CELF4: variants seen among roughly 807,000 people sequenced by gnomAD.
CELF4 encodes CUGBP Elav-like family member 4, also known as CUG-BP- and ETR-3-like factor 4.
Under a neutral mutation model 59.9 loss-of-function variants are expected in CELF4, and 18 were observed. The ratio of observed to expected loss-of-function variants is 0.30; its 90% CI spans 0.21 to 0.45. The LOEUF is 0.45. CELF4 is among the 20% of genes least tolerant of loss of function. The probability of loss-of-function intolerance (pLI) is 1.00; values close to 1 mark genes in which losing one functional copy is unlikely to be tolerated. For missense variants in CELF4, 456 were observed against 689.0 expected, an observed-to-expected ratio of 0.66 and a Z score of 3.79; for synonymous variants, 261 against 267.1, an observed-to-expected ratio of 0.98 and a Z score of 0.22.
chr18:37,266,286 G>A, intron 9 of CELF4: 1 of 591,600 alleles, frequency 1.7e-6, no homozygotes, highest in Non-Finnish European at 3.0e-6. Flanking sequence ...GCCCAGCAAG[G>A]GTGAAACTTC....
chr18:37,477,408 A>G (rs1451615994), intron 2 of CELF4, among the ~76,000 whole-genome samples: 1 of 152,232 alleles, frequency 6.6e-6, no homozygotes, highest in African/African-American at 2.4e-5. Flanking sequence ...CAGGAAGGCT[A>G]CGTGCATCTG....
chr18:37,292,655 A>C (rs1282596598), intron 3 of CELF4, among the ~76,000 whole-genome samples: 1 of 152,228 alleles, frequency 6.6e-6, no homozygotes, highest in Non-Finnish European at 1.5e-5. Flanking sequence ...ACTTTAATGC[A>C]ATCAGAATGC....
chr18:37,269,444 A>G (rs1166707923), intron 8 of CELF4, among the ~76,000 whole-genome samples: 1 of 152,166 alleles, frequency 6.6e-6, no homozygotes, highest in Non-Finnish European at 1.5e-5. Flanking sequence ...TGCACTCTAG[A>G]CAGGGAAATG....
intron 1 of CELF4, among the ~76,000 whole-genome samples, chr18:37,491,730 G>A (rs1274735450): frequency 6.6e-6 from 1 of 152,304 alleles, no homozygotes; most frequent in South Asian, 2.1e-4. Context: ...GTGCTGTCGG[G>A]CTAGGGTGCA....
chr18:37,364,234 G>A (rs1057439047), intron 2 of CELF4, among the ~76,000 whole-genome samples: 5 of 152,212 alleles, frequency 3.3e-5, no homozygotes, highest in East Asian at 1.9e-4. Flanking sequence ...TCCTGCACCC[G>A]TCTCTCCTCT....
intron 1 of CELF4, among the ~76,000 whole-genome samples, chr18:37,532,717 C>T (rs749770829): frequency 1.3e-5 from 2 of 152,130 alleles, no homozygotes; most frequent in African/African-American, 2.4e-5. Flanking sequence ...GTAACAGCCC[C>T]GTATTCAACA....
At chr18:37,556,283 T>C (rs2099984766) in intron 1 of CELF4, among the ~76,000 whole-genome samples, 1 of 152,212 alleles carries the variant, frequency 6.6e-6, no homozygotes, top group Non-Finnish European at 1.5e-5. Context: ...ACTTTGGGCA[T>C]ACGCTACTCT....
intron 2 of CELF4, among the ~76,000 whole-genome samples, chr18:37,367,824 A>C (rs1381535521): frequency 1.3e-5 from 2 of 152,080 alleles, no homozygotes; most frequent in African/African-American, 4.8e-5. Flanking sequence ...TGAAGTGGGA[A>C]AGTTCATCCA....
rs775605882 is a variant in CELF4, at chr18:37,270,832, G to A, written c.1035C>T (p.Pro345=). Residue 345 remains proline (P), a synonymous_variant, in exon 8 of 13, where the codon CCC becomes CCT. Transcript: ENST00000420428. ...PIGVNGFTGL[P]PQANGQPAAE... ...CAGCAGGTTGCCCATTGGCCTGTGGGGGGAGGCCGGTGAAGCCATTCACCC... is the reference window on the plus strand; with the variant it reads ...CAGCAGGTTGCCCATTGGCCTGTGGAGGGAGGCCGGTGAAGCCATTCACCC... 5 of 1,613,820 alleles carry A rather than the reference G, an allele frequency of 3.1e-6. No homozygotes were observed. Among genetic ancestry groups the A allele is most frequent in the East Asian group, 2.2e-5 (1 of 44,888 alleles).
intron 2 of CELF4, among the ~76,000 whole-genome samples, chr18:37,382,332 C>T (rs867479228): frequency 6.6e-6 from 1 of 152,218 alleles, no homozygotes; most frequent in African/African-American, 2.4e-5. Flanking sequence ...TCCTTCTCTG[C>T]CTCTCTTAGC....
At position 37,274,543 on chromosome 18, in the gene CELF4, C is replaced by G. The variant is rs757604111; in HGVS notation, c.658-89G>C. 7 of 1,596,744 alleles carry G rather than the reference C, an allele frequency of 4.4e-6. No individual in the cohort carries two copies. The African/African-American group carries it at 8.1e-5, about 18-fold the overall frequency. ...CTCTGGCCTGCGCCCACCCCGCCCG[C>G]TCCTCGGGGCGCTTTGGAGGAGGCG... On this transcript the variant is annotated intron_variant, in intron 5 of 12. Transcript: ENST00000420428.
intron 2 of CELF4, among the ~76,000 whole-genome samples, chr18:37,375,842 C>T (rs926719343): frequency 6.6e-6 from 1 of 152,120 alleles, no homozygotes; most frequent in Admixed American, 6.5e-5. Context: ...ACTGCCCTCT[C>T]CGTCCTCCCC....
intron 1 of CELF4, among the ~76,000 whole-genome samples, chr18:37,513,344 G>A (rs2099946720): frequency 6.6e-6 from 1 of 152,182 alleles, no homozygotes; most frequent in Admixed American, 6.5e-5. Context: ...CATCTGGGAG[G>A]TGGGATGGAC....
chr18:37,428,042 G>T (rs2099625054), intron 2 of CELF4, among the ~76,000 whole-genome samples: 1 of 152,234 alleles, frequency 6.6e-6, no homozygotes, highest in African/African-American at 2.4e-5. Context: ...TCACCTACCT[G>T]CAAGTATGTC....
chr18:37,447,638 T>C (rs547414994), intron 2 of CELF4, among the ~76,000 whole-genome samples: 1 of 152,328 alleles, frequency 6.6e-6, no homozygotes, highest in Admixed American at 6.5e-5. Flanking sequence ...CAGAGCCCTC[T>C]TTGCAGGTCA....
At chr18:37,439,404 T>TATGC (rs1318018900) in intron 2 of CELF4, among the ~76,000 whole-genome samples, 1 of 152,178 alleles carries the variant, frequency 6.6e-6, no homozygotes. Flanking sequence ...TGTGTGCATG[T>TATGC]ATGCATGCAT....
chr18:37,419,425 T>C (rs2099555334), intron 2 of CELF4, among the ~76,000 whole-genome samples: 1 of 151,964 alleles, frequency 6.6e-6, no homozygotes, highest in South Asian at 2.1e-4. Context: ...AGAGTTGAGG[T>C]ATGCGACTGC....
chr18:37,302,224 C>A (rs2096095300), intron 3 of CELF4, among the ~76,000 whole-genome samples: 1 of 152,212 alleles, frequency 6.6e-6, no homozygotes, highest in Non-Finnish European at 1.5e-5. Context: ...AATGCCCCAC[C>A]TCATCAGAGC....
intron 3 of CELF4, among the ~76,000 whole-genome samples, chr18:37,318,384 T>TC (rs2096944794): frequency 6.6e-6 from 1 of 151,186 alleles, no homozygotes; most frequent in Non-Finnish European, 1.5e-5. Flanking sequence ...CCTCCACCCC[T>TC]CTCCCATTCC....
Sources: gnomAD v4.1 joint callset for allele counts (sites outside exome capture counted in the v4.1 genomes callset) on GRCh38, gnomAD v4.1.1 for gene constraint, MANE v1.5 for transcripts, NCBI Gene and HGNC (gene_info 2026-07-23, HGNC 2026-07-21) for gene names.